PMFBP1: variants seen among roughly 807,000 people sequenced by gnomAD.
PMFBP1 encodes polyamine-modulated factor 1-binding protein 1.
PMFBP1 carries 131 observed loss-of-function variants against 137.8 expected under a neutral mutation model. The ratio of observed to expected loss-of-function variants is 0.95; its 90% confidence interval spans 0.82 to 1.10. PMFBP1 has a LOEUF of 1.10. Among genes scored for constraint, PMFBP1 ranks in the 50% least tolerant of loss-of-function variants. The pLI is 0.00. For synonymous variants in PMFBP1, 490 were observed against 450.4 expected, an observed-to-expected ratio of 1.09 and a Z score of -1.11; for missense variants, 1,199 against 1,175.4, an observed-to-expected ratio of 1.02 and a Z score of -0.29.
At chr16:72,141,546 T>C (rs565839158) in intron 5 of PMFBP1, among the ~76,000 whole-genome samples, 1 of 152,334 alleles carries the variant, frequency 6.6e-6, no homozygotes, top group Non-Finnish European at 1.5e-5. Flanking sequence ...ATATAAATTA[T>C]GTTGGCTTTT....
the PMFBP1 span, among the ~76,000 whole-genome samples, chr16:72,207,990 T>G: frequency 6.6e-6 from 1 of 152,124 alleles, no homozygotes; most frequent in African/African-American, 2.4e-5. Context: ...AAAAAGCCAA[T>G]GTCCCAGCTC....
chr16:72,117,264 TAAATG>T (rs2042317892), downstream of PMFBP1, among the ~76,000 whole-genome samples: 3 of 152,138 alleles, frequency 2.0e-5, no homozygotes, highest in South Asian at 6.2e-4. Flanking sequence ...TTTGCTATTA[TAAATG>T]AAATGAAATT....
chr16:72,145,800 G>A (rs144616664), intron 5 of PMFBP1, among the ~76,000 whole-genome samples: 13,556 of 152,154 alleles, frequency 0.089, 761 homozygotes, highest in Middle Eastern at 0.14. Flanking sequence ...TAAATTCCTC[G>A]ACACATACAC....
intron 3 of PMFBP1, among the ~76,000 whole-genome samples, chr16:72,157,191 A>G (rs981366640): frequency 6.8e-6 from 1 of 146,022 alleles, no homozygotes; most frequent in African/African-American, 2.5e-5. Context: ...CTCAAAAAAA[A>G]AAAAAAAAAA....
chr16:72,184,714 G>A, the PMFBP1 span, among the ~76,000 whole-genome samples: 4 of 152,180 alleles, frequency 2.6e-5, no homozygotes, highest in East Asian at 1.9e-4. Context: ...AGGAACTGCC[G>A]TCTACTTCAT....
the PMFBP1 span, among the ~76,000 whole-genome samples, chr16:72,239,901 G>GAAAAAAAAAAA: frequency 4.6e-5 from 4 of 87,784 alleles, no homozygotes; most frequent in Admixed American, 1.2e-4. Flanking sequence ...AAAAAAAAAA[G>GAAAAAAAAAAA]AAAAAAAAAA....
intron 4 of PMFBP1, 111 bp downstream of exon 4, chr16:72,154,100 C>A (rs561995071): frequency 2.1e-6 from 3 of 1,400,898 alleles, no homozygotes; most frequent in South Asian, 1.4e-5. Context: ...AAAACCTGCT[C>A]GGGATGTTGC....
chr16:72,216,547 G>A, the PMFBP1 span, among the ~76,000 whole-genome samples: 1 of 152,160 alleles, frequency 6.6e-6, no homozygotes, highest in African/African-American at 2.4e-5. Flanking sequence ...GGCTCTAGAG[G>A]AGTCTAGAAA....
At position 72,150,742 on chromosome 16, in the gene PMFBP1, C is replaced by T. The variant is rs149600125; in HGVS notation, c.502G>A (p.Gly168Arg). 2.0e-5 allele frequency: 32 copies of T among 1,614,068 alleles called. No individual in the cohort carries two copies. Among genetic ancestry groups the T allele is most frequent in the Admixed American group, 3.3e-5 (2 of 60,002 alleles). Residue 168 changes from glycine (G) to arginine (R), a missense_variant, in exon 5 of 21, where the codon GGG becomes AGG. Coordinates refer to ENST00000237353, the MANE Select transcript of PMFBP1 (RefSeq NM_031293.3). ...HLAQEQLALA[G>R]DKIASLERSL... ...CTCTCTAGAGAGGCGATCTTGTCCC[C>T]GGCCAAGGCGAGTTGCTCCTGCGCC... is the stretch of plus-strand genomic sequence containing the variant.
chr16:72,230,995 A>C, the PMFBP1 span, among the ~76,000 whole-genome samples: 1 of 152,220 alleles, frequency 6.6e-6, no homozygotes, highest in African/African-American at 2.4e-5. Flanking sequence ...AGTTAAACAT[A>C]GTTCTCCTGG....
At chr16:72,192,401 T>C in the PMFBP1 span, among the ~76,000 whole-genome samples, 1 of 152,190 alleles carries the variant, frequency 6.6e-6, no homozygotes, top group Admixed American at 6.5e-5. Context: ...ATCTAGCTGG[T>C]GCACGTAGAA....
At chr16:72,131,696 G>A (rs904255650) in intron 10 of PMFBP1, among the ~76,000 whole-genome samples, 3 of 152,178 alleles carry the variant, frequency 2.0e-5, no homozygotes, top group South Asian at 2.1e-4. Flanking sequence ...AGACGGACCC[G>A]TGATGTCTCC....
intron 3 of PMFBP1, among the ~76,000 whole-genome samples, chr16:72,159,869 A>T (rs2043036629): frequency 6.6e-6 from 1 of 151,246 alleles, no homozygotes; most frequent in Non-Finnish European, 1.5e-5. Flanking sequence ...TTTGACTTTT[A>T]AACTGAGATC....
chr16:72,132,544 C>A (rs1475740035), intron 10 of PMFBP1, among the ~76,000 whole-genome samples: 1 of 152,078 alleles, frequency 6.6e-6, no homozygotes, highest in Non-Finnish European at 1.5e-5. Context: ...CTACAGAGGG[C>A]AGGTGAGCTT....
At chr16:72,141,639 T>A (rs1231885790) in intron 5 of PMFBP1, among the ~76,000 whole-genome samples, 1 of 152,210 alleles carries the variant, frequency 6.6e-6, no homozygotes, top group Non-Finnish European at 1.5e-5. Context: ...ATCTTGTTCT[T>A]TTAAATTGCT....
rs145484256 is a variant in PMFBP1, at chr16:72,122,978, C to T, written c.2704G>A (p.Glu902Lys). The change falls in exon 19 of 21, where the codon GAG (glutamate) becomes AAG (lysine). Residue 902 changes from glutamate (E) to lysine (K), a missense_variant. Physicochemically the swap from Glu to Lys is moderately conservative, Grantham distance 56. Transcript: ENST00000237353. ...TCTCGGAGCTGGTTTCCTAGTTTCTCATTGGCGACCCTGTAATAAAATCAC... is the reference window on the plus strand; with the variant it reads ...TCTCGGAGCTGGTTTCCTAGTTTCTTATTGGCGACCCTGTAATAAAATCAC... ...QWAKQQKVAN[E>K]KLGNQLREQV... 3.1e-6 allele frequency: 5 copies of T among 1,612,998 alleles called. No homozygotes were observed. The highest frequency in any genetic ancestry group is 4.2e-6 in the Non-Finnish European group (5 of 1,179,928).
At chr16:72,143,312 CGATAAGATGG>C (rs2042751255) in intron 5 of PMFBP1, among the ~76,000 whole-genome samples, 1 of 152,024 alleles carries the variant, frequency 6.6e-6, no homozygotes, top group Non-Finnish European at 1.5e-5. Context: ...CTGGTCAATA[CGATAAGATGG>C]AAAATAAGTT....
At chr16:72,211,210 T>G in the PMFBP1 span, among the ~76,000 whole-genome samples, 1 of 152,188 alleles carries the variant, frequency 6.6e-6, no homozygotes, top group African/African-American at 2.4e-5. Context: ...GGTCTGTGTG[T>G]GGTGAGTGTG....
At chr16:72,120,610 C>T (rs4788460) in intron 19 of PMFBP1, among the ~76,000 whole-genome samples, 33,031 of 152,176 alleles carry the variant, frequency 0.22, 4,562 homozygotes, top group Non-Finnish European at 0.29. Flanking sequence ...GTGAGTTACT[C>T]ATCCCCATTT....
Sources: allele counts gnomAD v4.1 joint callset (sites outside exome capture counted in the v4.1 genomes callset), GRCh38; gene constraint gnomAD v4.1.1; transcripts MANE v1.5; gene names NCBI Gene and HGNC (gene_info 2026-07-23, HGNC 2026-07-21).